EXOC4: variants seen among roughly 807,000 people sequenced by gnomAD.
EXOC4 encodes exocyst complex component 4.
EXOC4 carries 71 observed loss-of-function variants against 107.2 expected under a neutral mutation model. The observed-to-expected ratio is 0.66, with a 90% CI of 0.55 to 0.81. The LOEUF (loss-of-function observed/expected upper bound fraction) is 0.81, where lower values mean the gene tolerates loss of function less well. Among genes scored for constraint, EXOC4 ranks in the 30% least tolerant of loss-of-function variants. The pLI is 0.00. For synonymous variants in EXOC4, 456 were observed against 441.2 expected (o/e 1.03, Z -0.42); for missense variants, 1,108 against 1,189.6 (o/e 0.93, Z 1.01).
chr7:133,997,664 A>G, intron 15 of EXOC4, 31 bp downstream of exon 15: 4 of 1,604,680 alleles, frequency 2.5e-6, no homozygotes, highest in Middle Eastern at 3.3e-4. Context: ...GGACCTTGCA[A>G]TTTGAATGCA....
intron 9 of EXOC4, among the ~76,000 whole-genome samples, chr7:133,497,115 ACAAT>A (rs1381012487): frequency 6.6e-6 from 1 of 152,158 alleles, no homozygotes; most frequent in Non-Finnish European, 1.5e-5. Flanking sequence ...AATTCTCCCA[ACAAT>A]CAGAATGAGC....
chr7:133,667,934 A>C (rs1793855516), intron 10 of EXOC4, among the ~76,000 whole-genome samples: 1 of 152,132 alleles, frequency 6.6e-6, no homozygotes, highest in Non-Finnish European at 1.5e-5. Context: ...TTTCCCACAA[A>C]ATTATCTGAA....
chr7:133,914,127 T>C lies in EXOC4; in HGVS notation c.1872-3456T>C, dbSNP rs190774917. The stretch of plus-strand genomic sequence containing the variant: ...CAGTTGATTTAAGACTGGATTTTGA[T>C]TTCCTGTCAGAAGTTTGGTGCGAAT... On this transcript the variant is annotated intron_variant, in intron 12 of 17. Coordinates refer to ENST00000253861, the MANE Select transcript of EXOC4 (RefSeq NM_021807.4). 1.1e-4 allele frequency among the ~76,000 whole-genome samples: 17 copies of C among 152,360 alleles called. No homozygotes were observed. In the East Asian group the frequency reaches 2.9e-3, roughly 26 times the overall value.
At chr7:133,439,240 A>G (rs946820321) in intron 7 of EXOC4, among the ~76,000 whole-genome samples, 9 of 124,276 alleles carry the variant, frequency 7.2e-5, no homozygotes, top group Admixed American at 3.3e-4. Flanking sequence ...GCTGGAGTGC[A>G]GTGGGGCGAT....
At position 133,968,885 on chromosome 7, in the gene EXOC4, C is replaced by T. The variant is rs995720903; in HGVS notation, c.2207-28607C>T. Among the ~76,000 whole-genome samples the T allele has an allele frequency of 2.0e-5, 3 of 152,252 alleles. No individual in the cohort carries two copies. The East Asian group carries it at 5.8e-4, about 29-fold the overall frequency. On this transcript the variant is annotated intron_variant, in intron 14 of 17. Coordinates refer to ENST00000253861, the MANE Select transcript of EXOC4 (RefSeq NM_021807.4). ...GTATTTCCTGAATTTGAATGTTGGCCTCTCTTGCTAGGCTGGGGAAGTTCT... is the reference window on the plus strand; with the variant it reads ...GTATTTCCTGAATTTGAATGTTGGCTTCTCTTGCTAGGCTGGGGAAGTTCT...
chr7:134,012,742 A>G (rs1245261616), intron 17 of EXOC4, among the ~76,000 whole-genome samples: 2 of 152,196 alleles, frequency 1.3e-5, no homozygotes, highest in Non-Finnish European at 2.9e-5. Context: ...AAGTAGATGA[A>G]AAAGAGAAGC....
intron 10 of EXOC4, among the ~76,000 whole-genome samples, chr7:133,784,173 T>G (rs1390640003): frequency 6.6e-6 from 1 of 152,140 alleles, no homozygotes; most frequent in Admixed American, 6.5e-5. Flanking sequence ...CATATTTTTT[T>G]TTCTTTATCA....
chr7:133,334,723 A>C (rs1795471669), intron 5 of EXOC4, among the ~76,000 whole-genome samples: 1 of 134,992 alleles, frequency 7.4e-6, no homozygotes, highest in African/African-American at 2.8e-5. Context: ...TCCACCCTCC[A>C]CTCTCCACCC....
chr7:133,992,476 T>C (rs1236657251), intron 14 of EXOC4, among the ~76,000 whole-genome samples: 2 of 151,798 alleles, frequency 1.3e-5, no homozygotes, highest in African/African-American at 2.4e-5. Context: ...AAAGACAGGG[T>C]TTCACTATGT....
intron 10 of EXOC4, among the ~76,000 whole-genome samples, chr7:133,749,786 C>T (rs1795753101): frequency 6.6e-6 from 1 of 152,122 alleles, no homozygotes; most frequent in Admixed American, 6.5e-5. Context: ...AATTCAAGCA[C>T]TGAGCATGAT....
intron 9 of EXOC4, among the ~76,000 whole-genome samples, chr7:133,593,568 G>T (rs961277629): frequency 6.6e-5 from 10 of 152,118 alleles, no homozygotes; most frequent in Non-Finnish European, 1.2e-4. Context: ...AGATCTATAT[G>T]GTGAATTATC....
In EXOC4 at chr7:133,556,285, CAA is replaced by C. The variant is rs1800689376; in HGVS notation, c.1418-73758_1418-73757del. ...CAAGTTAATGGCTTGTATTTCAGTA[CAA>C]ATAGTCCCTTCTGGCTGTTTCCTGT... On this transcript the variant is annotated intron_variant, in intron 9 of 17. Transcript: ENST00000253861. Among the ~76,000 whole-genome samples, 6 of 152,204 alleles carry C rather than the reference CAA, an allele frequency of 3.9e-5. No homozygotes were observed. The South Asian group carries it at 1.2e-3, about 32-fold the overall frequency.
intron 9 of EXOC4, among the ~76,000 whole-genome samples, chr7:133,538,880 AGAGG>A (rs1172447089): frequency 5.9e-5 from 6 of 102,426 alleles, no homozygotes; most frequent in South Asian, 4.0e-4. Flanking sequence ...AGAGAGAGAG[AGAGG>A]GAGGGAGGGA....
chr7:134,005,067 A>T lies in EXOC4; in HGVS notation c.2504A>T (p.His835Leu). 1.9e-6 allele frequency: 3 copies of T among 1,613,368 alleles called. No homozygotes were observed. The highest frequency in any genetic ancestry group is 2.5e-6 in the Non-Finnish European group (3 of 1,179,524). Residue 835 changes from histidine to leucine, a missense_variant, in exon 16 of 18, where the codon CAC becomes CTC. Coordinates refer to ENST00000253861, the MANE Select transcript of EXOC4 (RefSeq NM_021807.4). ...GCCATGAGCGCCAGCCTTCAGCAGC[A>T]CAAGTTCCAGTATATCTTCGAAGGT... ...EEAMSASLQQ[H>L]KFQYIFEGLG...
chr7:133,646,523 C>T (rs962710989), intron 10 of EXOC4, among the ~76,000 whole-genome samples: 1 of 151,274 alleles, frequency 6.6e-6, no homozygotes, highest in Non-Finnish European at 1.5e-5. Flanking sequence ...GTTTATTTTT[C>T]CTTTTACTTT....
intron 7 of EXOC4, among the ~76,000 whole-genome samples, chr7:133,389,528 G>A (rs75055688): frequency 0.025 from 3,377 of 136,018 alleles, 143 homozygotes; most frequent in African/African-American, 0.089. Context: ...AGCTGACATT[G>A]CACCATTGCA....
At chr7:133,600,594 T>C (rs925695908) in intron 9 of EXOC4, among the ~76,000 whole-genome samples, 2 of 152,086 alleles carry the variant, frequency 1.3e-5, no homozygotes, top group African/African-American at 2.4e-5. Flanking sequence ...ATTCAGAAAA[T>C]AATTCAGCAT....
intron 9 of EXOC4, among the ~76,000 whole-genome samples, chr7:133,592,314 C>A (rs1407142234): frequency 6.6e-6 from 1 of 152,170 alleles, no homozygotes; most frequent in Non-Finnish European, 1.5e-5. Context: ...AATCCTCCTG[C>A]CTTGGCCTCC....
At chr7:133,771,220 G>A (rs1394494829) in intron 10 of EXOC4, 2 of 151,982 alleles carry the variant, frequency 1.3e-5, no homozygotes, top group African/African-American at 4.8e-5. Context: ...CCATGTCACA[G>A]GAGAATGCAT....
Sources: gnomAD v4.1 joint callset for allele counts (sites outside exome capture counted in the v4.1 genomes callset) on GRCh38, gnomAD v4.1.1 for gene constraint, MANE v1.5 for transcripts, NCBI Gene and HGNC (gene_info 2026-07-23, HGNC 2026-07-21) for gene names.